The following TRDN variants were observed in gnomAD, a reference collection of about 807,000 sequenced individuals.
The protein encoded by TRDN is triadin in skeletal muscle.
Under a neutral mutation model 149.7 loss-of-function variants are expected in TRDN, and 161 were observed. The ratio of observed to expected loss-of-function variants is 1.08; its 90% CI spans 0.95 to 1.23. TRDN has a LOEUF of 1.23. Among genes scored for constraint, TRDN ranks in the 50% most tolerant of loss-of-function variants. The pLI, the probability that TRDN is intolerant of heterozygous loss-of-function variation, is 0.00. For synonymous variants in TRDN, 294 were observed against 250.5 expected (o/e 1.17, Z -1.64); for missense variants, 896 against 823.5 (o/e 1.09, Z -1.08).
chr6:123,616,139 C>T (rs1785071058), intron 1 of TRDN, among the ~76,000 whole-genome samples: 1 of 152,032 alleles, frequency 6.6e-6, no homozygotes, highest in Non-Finnish European at 1.5e-5. Flanking sequence ...TCACTTGAGG[C>T]TAGGAATTTG....
intron 38 of TRDN, among the ~76,000 whole-genome samples, chr6:123,243,654 C>T (rs953406105): frequency 6.6e-6 from 1 of 151,872 alleles, no homozygotes; most frequent in African/African-American, 2.4e-5. Flanking sequence ...CATTGGAAAC[C>T]TTTATCAAGT....
chr6:123,420,822 G>C (rs1414005357), intron 12 of TRDN, among the ~76,000 whole-genome samples: 7 of 152,036 alleles, frequency 4.6e-5, no homozygotes, highest in Admixed American at 4.6e-4. Flanking sequence ...AAGTAACAAA[G>C]GAACCACATT....
chr6:123,434,887 C>T (rs906305098), intron 12 of TRDN, among the ~76,000 whole-genome samples: 13 of 151,744 alleles, frequency 8.6e-5, no homozygotes, highest in African/African-American at 2.9e-4. Flanking sequence ...ATACCAATTG[C>T]TCAGTTTCAA....
intron 19 of TRDN, among the ~76,000 whole-genome samples, chr6:123,370,932 T>C (rs1290792372): frequency 6.6e-6 from 1 of 151,620 alleles, no homozygotes; most frequent in Non-Finnish European, 1.5e-5. Context: ...TTTTAATTTT[T>C]GGAGTTGTTC....
chr6:123,485,740 T>C (rs2114781993), intron 9 of TRDN, among the ~76,000 whole-genome samples: 1 of 152,220 alleles, frequency 6.6e-6, no homozygotes, highest in Middle Eastern at 3.4e-3. Context: ...ATTAACCCTA[T>C]AAAGTTATCT....
intron 1 of TRDN, among the ~76,000 whole-genome samples, chr6:123,601,350 A>G (rs1245808283): frequency 2.6e-5 from 4 of 152,152 alleles, no homozygotes; most frequent in African/African-American, 9.7e-5. Context: ...AGAAACTCAG[A>G]GTGATATGTT....
chr6:123,582,189 A>T (rs1783154355), intron 1 of TRDN, among the ~76,000 whole-genome samples: 1 of 152,098 alleles, frequency 6.6e-6, no homozygotes, highest in African/African-American at 2.4e-5. Flanking sequence ...GGGCATTTCC[A>T]CTCGAACTGA....
rs190405072 is a variant in TRDN at position 123,293,280 on chromosome 6, T to G, written c.1511-14198A>C. On this transcript the variant is annotated intron_variant, in intron 24 of 40. Coordinates refer to ENST00000334268, the MANE Select transcript of TRDN (RefSeq NM_006073.4). ...CTTGGTAAATAGAACTCTCCCCACT[T>G]AACGGATTATACCTGAATCCTCCTG... Among the ~76,000 whole-genome samples the G allele has an allele frequency of 3.0e-4, 46 of 152,200 alleles. No individual in the cohort carries two copies. The East Asian group carries it at 8.7e-3, about 29-fold the overall frequency.
At chr6:123,566,216 T>C (rs1347736394) in intron 2 of TRDN, among the ~76,000 whole-genome samples, 1 of 152,196 alleles carries the variant, frequency 6.6e-6, no homozygotes, top group Non-Finnish European at 1.5e-5. Flanking sequence ...TTTGTCTCAT[T>C]TGATAAGAAG....
At chr6:123,594,822 T>A (rs1783957180) in intron 1 of TRDN, among the ~76,000 whole-genome samples, 1 of 152,034 alleles carries the variant, frequency 6.6e-6, no homozygotes, top group African/African-American at 2.4e-5. Context: ...ACATCAAGCT[T>A]ATTAAATTTA....
At chr6:123,433,895 A>G (rs1224936067) in intron 12 of TRDN, 1 of 152,208 alleles carries the variant, frequency 6.6e-6, no homozygotes, top group African/African-American at 2.4e-5. Flanking sequence ...TTATGAGACA[A>G]GTCAACTTGT....
intron 10 of TRDN, among the ~76,000 whole-genome samples, chr6:123,463,494 T>G (rs1776602059): frequency 1.3e-5 from 2 of 152,198 alleles, no homozygotes; most frequent in Admixed American, 1.3e-4. Flanking sequence ...GAGCCTCTGC[T>G]AGGAGATAAC....
At position 123,217,396 on chromosome 6, in the gene TRDN, T is replaced by A. The variant is rs1774999938; in HGVS notation, c.*1205A>T. 6.6e-6 allele frequency: 1 copy of A among 151,978 alleles called. No homozygotes were observed. Among genetic ancestry groups the A allele is most frequent in the Admixed American group, 6.6e-5 (1 of 15,224 alleles). The allele number at this position is 151,978 out of a possible 1,614,324, so 9.4% of individuals were successfully genotyped here. On this transcript the variant is annotated 3_prime_UTR_variant, in exon 41 of 41. Transcript: ENST00000334268. ...GGATAACTCAATTTATTTCCTGAGT[T>A]AATTTGTCATAAGTTCAGTTGCAAT... is the stretch of plus-strand genomic sequence containing the variant.
intron 1 of TRDN, among the ~76,000 whole-genome samples, chr6:123,577,934 C>G (rs996503153): frequency 1.3e-5 from 2 of 152,108 alleles, no homozygotes; most frequent in Non-Finnish European, 1.5e-5. Context: ...TGTATATCTC[C>G]TTTTGAAAAG....
In TRDN at chr6:123,375,598, A is replaced by C. The variant is rs1324451489; in HGVS notation, c.1273+7T>G. The C allele has an allele frequency of 6.5e-7, 1 of 1,535,288 alleles. No individual in the cohort carries two copies. The highest frequency in any genetic ancestry group is 1.4e-5 in the African/African-American group (1 of 71,870). ...ATGCTCTTCTTTAAAAATTTTGTTC[A>C]ACATACTTGCTTTTACTTGTTTGTC... On this transcript the variant is annotated splice_region_variant and intron_variant, in intron 19 of 40. Coordinates refer to ENST00000334268, the MANE Select transcript of TRDN (RefSeq NM_006073.4).
chr6:123,377,738 C>T lies in TRDN; in HGVS notation c.1224G>A (p.Lys408=). ...EKKEKHVEPA[K]SPKKEHSVPS... is the part of the protein sequence containing the mutation. ...CACCTGAGTGTTCTTTCTTTGGTGA[C>T]TTTGCTGTATCAAAAAGGAAAGAAA... Residue 408 remains lysine (K), a synonymous_variant, in exon 18 of 41, where the codon AAG becomes AAA. Transcript: ENST00000334268. 6.2e-7 allele frequency: 1 copy of T among 1,612,940 alleles called. No homozygotes were observed. Among genetic ancestry groups the T allele is most frequent in the Non-Finnish European group, 8.5e-7 (1 of 1,179,558 alleles).
At chr6:123,551,456 A>C (rs1013254412) in intron 2 of TRDN, among the ~76,000 whole-genome samples, 2 of 151,700 alleles carry the variant, frequency 1.3e-5, no homozygotes, top group Non-Finnish European at 2.9e-5. Context: ...GATCATATCA[A>C]TGGAAAAAAT....
At chr6:123,456,589 T>C (rs1248440853) in intron 10 of TRDN, among the ~76,000 whole-genome samples, 2 of 151,982 alleles carry the variant, frequency 1.3e-5, no homozygotes, top group African/African-American at 4.8e-5. Context: ...CCACCTCATC[T>C]TCCTGAGTAG....
intron 9 of TRDN, among the ~76,000 whole-genome samples, chr6:123,493,151 T>C (rs1397197621): frequency 6.6e-6 from 1 of 152,162 alleles, no homozygotes; most frequent in African/African-American, 2.4e-5. Flanking sequence ...CAGTTGCCCA[T>C]AGGACCAGTG....
Sources: allele counts gnomAD v4.1 joint callset (sites outside exome capture counted in the v4.1 genomes callset), GRCh38; gene constraint gnomAD v4.1.1; transcripts MANE v1.5; gene names NCBI Gene and HGNC (gene_info 2026-07-23, HGNC 2026-07-21).